Variants in PPP2R2B observed in about 807,000 individuals in gnomAD.
The protein encoded by PPP2R2B is protein phosphatase 2 regulatory subunit Bbeta, also known as serine/threonine-protein phosphatase 2A 55 kDa regulatory subunit B beta isoform.
In PPP2R2B, 5 loss-of-function variants were observed where a neutral mutation model predicts 46.0. The ratio of observed to expected loss-of-function variants is 0.11; its 90% CI spans 0.06 to 0.23. The LOEUF is 0.23. Ranked by LOEUF, PPP2R2B falls within the 10% of genes least tolerant of loss-of-function variation. The pLI is 1.00. For missense variants in PPP2R2B, 367 were observed against 575.0 expected (o/e 0.64, Z 3.70); for synonymous variants, 215 against 206.7 (o/e 1.04, Z -0.34).
At chr5:146,731,943 C>A (rs529730320) in intron 2 of PPP2R2B, among the ~76,000 whole-genome samples, 2 of 152,094 alleles carry the variant, frequency 1.3e-5, no homozygotes, top group South Asian at 4.2e-4. Context: ...CTTTTTGACC[C>A]CAAAGTTAGA....
At chr5:146,950,323 TACTGTTA>T (rs766454916) in intron 1 of PPP2R2B, among the ~76,000 whole-genome samples, 10 of 152,176 alleles carry the variant, frequency 6.6e-5, no homozygotes, top group Non-Finnish European at 8.8e-5. Flanking sequence ...GTTAAAGAAG[TACTGTTA>T]GCTTTTTAAA....
chr5:146,781,958 G>A (rs776107625), intron 2 of PPP2R2B, among the ~76,000 whole-genome samples: 5 of 152,186 alleles, frequency 3.3e-5, no homozygotes, highest in African/African-American at 1.2e-4. Flanking sequence ...GATCATGGGG[G>A]CAGTTTCTGT....
chr5:146,940,680 C>A (rs991181205), intron 1 of PPP2R2B, among the ~76,000 whole-genome samples: 1 of 152,220 alleles, frequency 6.6e-6, no homozygotes, highest in South Asian at 2.1e-4. Context: ...ATTGGGTTTC[C>A]GTCATTTGAA....
chr5:146,754,796 T>C (rs993064838), intron 2 of PPP2R2B, among the ~76,000 whole-genome samples: 1 of 152,178 alleles, frequency 6.6e-6, no homozygotes, highest in African/African-American at 2.4e-5. Context: ...TAGCCAGTGA[T>C]GGACAGAAGA....
chr5:147,063,595 A>G (rs1757333556), intron 2 of PPP2R2B, among the ~76,000 whole-genome samples: 1 of 152,188 alleles, frequency 6.6e-6, no homozygotes, highest in Admixed American at 6.5e-5. Flanking sequence ...TGTTCTGCAG[A>G]AAAAAACTGT....
At chr5:146,673,288 G>A (rs1028315981) in intron 5 of PPP2R2B, among the ~76,000 whole-genome samples, 5 of 110,016 alleles carry the variant, frequency 4.5e-5, no homozygotes, top group African/African-American at 1.3e-4. Context: ...GTCCAATTAA[G>A]AGGAAAATTT....
intron 1 of PPP2R2B, among the ~76,000 whole-genome samples, chr5:147,047,923 G>A (rs1756617140): frequency 6.6e-6 from 1 of 152,066 alleles, no homozygotes; most frequent in Non-Finnish European, 1.5e-5. Context: ...TTCTCCCAGA[G>A]CCCTTCCCTT....
chr5:146,842,292 A>G (rs1759699016), intron 2 of PPP2R2B, among the ~76,000 whole-genome samples: 1 of 152,108 alleles, frequency 6.6e-6, no homozygotes, highest in Non-Finnish European at 1.5e-5. Flanking sequence ...TCTCCCCGCT[A>G]TGGAGAGGAG....
chr5:146,782,303 A>G (rs139903935), intron 2 of PPP2R2B, among the ~76,000 whole-genome samples: 128 of 152,342 alleles, frequency 8.4e-4, no homozygotes, highest in African/African-American at 2.9e-3. Context: ...GAACTCTCCT[A>G]TAGCTATTGA....
chr5:146,606,005 A>G (rs1438730898), intron 7 of PPP2R2B, among the ~76,000 whole-genome samples: 1 of 152,206 alleles, frequency 6.6e-6, no homozygotes, highest in Non-Finnish European at 1.5e-5. Flanking sequence ...TGGGTAAATA[A>G]ATAAGGTTCC....
intron 1 of PPP2R2B, chr5:147,081,182 A>G: frequency 6.5e-7 from 1 of 1,534,028 alleles, no homozygotes; most frequent in South Asian, 1.2e-5. Context: ...AAGAGCTCCC[A>G]GTTGTTCTTA....
intron 1 of PPP2R2B, among the ~76,000 whole-genome samples, chr5:147,026,146 A>T (rs1189859144): frequency 6.6e-6 from 1 of 152,262 alleles, no homozygotes; most frequent in South Asian, 2.1e-4. Context: ...GGGAAAAAGG[A>T]TAGATCTCCA....
At chr5:146,647,719 C>T (rs1239842329) in intron 6 of PPP2R2B, among the ~76,000 whole-genome samples, 1 of 152,184 alleles carries the variant, frequency 6.6e-6, no homozygotes, top group African/African-American at 2.4e-5. Context: ...ATTCAGAAAA[C>T]ATGTCACCTA....
intron 1 of PPP2R2B, among the ~76,000 whole-genome samples, chr5:146,947,772 G>A (rs1380684478): frequency 6.6e-6 from 1 of 151,662 alleles, no homozygotes; most frequent in Non-Finnish European, 1.5e-5. Context: ...TTCCTTCTTT[G>A]GAGCCGCTGT....
chr5:146,891,610 A>G (rs1450313804), intron 1 of PPP2R2B, among the ~76,000 whole-genome samples: 1 of 152,226 alleles, frequency 6.6e-6, no homozygotes, highest in Non-Finnish European at 1.5e-5. Context: ...TTACCTGCCT[A>G]CTATGTGCTT....
intron 2 of PPP2R2B, among the ~76,000 whole-genome samples, chr5:146,703,943 TTA>T (rs1303394475): frequency 6.6e-6 from 1 of 152,236 alleles, no homozygotes; most frequent in Non-Finnish European, 1.5e-5. Flanking sequence ...GTCCTTACCT[TTA>T]TTTTAATTCT....
At chr5:147,069,683 T>A (rs1231226209) in intron 2 of PPP2R2B, among the ~76,000 whole-genome samples, 1 of 151,948 alleles carries the variant, frequency 6.6e-6, no homozygotes, top group East Asian at 1.9e-4. Flanking sequence ...GGTCTTAGCT[T>A]AAATGTCACC....
chr5:147,014,694 C>T (rs1754911934), intron 1 of PPP2R2B, among the ~76,000 whole-genome samples: 1 of 139,520 alleles, frequency 7.2e-6, no homozygotes, highest in South Asian at 2.2e-4. Flanking sequence ...AATGAGAACA[C>T]ATGGACACAG....
intron 7 of PPP2R2B, chr5:146,607,678 C>T (rs1286784684): frequency 6.6e-6 from 1 of 152,146 alleles, no homozygotes; most frequent in African/African-American, 2.4e-5. Context: ...TGAATCAAAA[C>T]CTTTTCTTTT....
Sources: gnomAD v4.1 joint callset for allele counts (sites outside exome capture counted in the v4.1 genomes callset) on GRCh38, gnomAD v4.1.1 for gene constraint, MANE v1.5 for transcripts, NCBI Gene and HGNC (gene_info 2026-07-23, HGNC 2026-07-21) for gene names.